The following NAALADL2 variants were observed in gnomAD, a reference collection of about 807,000 sequenced individuals.
The protein encoded by NAALADL2 is inactive N-acetylated-alpha-linked acidic dipeptidase-like protein 2.
In NAALADL2, 76 loss-of-function variants were observed where a neutral mutation model predicts 87.2. The ratio of observed to expected loss-of-function variants is 0.87; its 90% CI spans 0.72 to 1.05. The LOEUF is 1.05. NAALADL2 is among the 50% of genes least tolerant of loss of function. The probability of loss-of-function intolerance (pLI) is 0.00; values close to 1 mark genes in which losing one functional copy is unlikely to be tolerated. For missense variants in NAALADL2, 1,089 were observed against 945.8 expected (o/e 1.15, Z -1.99); for synonymous variants, 354 against 331.0 (o/e 1.07, Z -0.75).
intron 1 of NAALADL2, among the ~76,000 whole-genome samples, chr3:174,923,469 T>C (rs1264652067): frequency 6.6e-6 from 1 of 151,970 alleles, no homozygotes; most frequent in East Asian, 1.9e-4. Context: ...AAGAGAGAAA[T>C]AGAAAAATTA....
chr3:174,904,490 G>C (rs1732737300), intron 1 of NAALADL2, among the ~76,000 whole-genome samples: 1 of 151,854 alleles, frequency 6.6e-6, no homozygotes, highest in Non-Finnish European at 1.5e-5. Flanking sequence ...GTAATCAAAA[G>C]TTCCTATACA....
At chr3:175,392,648 T>C (rs1211484187) in intron 5 of NAALADL2, among the ~76,000 whole-genome samples, 2 of 152,340 alleles carry the variant, frequency 1.3e-5, no homozygotes, top group Non-Finnish European at 2.9e-5. Flanking sequence ...GGATTTCCCA[T>C]TGTTTCTTTC....
chr3:175,356,660 A>G (rs1764413942), intron 5 of NAALADL2, among the ~76,000 whole-genome samples: 1 of 151,574 alleles, frequency 6.6e-6, no homozygotes, highest in African/African-American at 2.4e-5. Context: ...GAGAAACATA[A>G]GGAGCCATGA....
chr3:174,750,889 G>A (rs1007348073), intron 3 of NAALADL2, among the ~76,000 whole-genome samples: 9 of 152,052 alleles, frequency 5.9e-5, no homozygotes, highest in African/African-American at 1.2e-4. Flanking sequence ...CAAATACAGC[G>A]CTCTCAAAAC....
intron 2 of NAALADL2, among the ~76,000 whole-genome samples, chr3:174,615,889 A>G (rs938367775): frequency 6.6e-6 from 1 of 152,102 alleles, no homozygotes; most frequent in African/African-American, 2.4e-5. Context: ...TTCAGGTTGT[A>G]GCACTATACC....
chr3:175,541,059 C>T (rs941385808), intron 9 of NAALADL2, among the ~76,000 whole-genome samples: 2 of 152,084 alleles, frequency 1.3e-5, no homozygotes, highest in African/African-American at 4.8e-5. Context: ...AGATGAAGAC[C>T]TCAAGCAGAA....
chr3:175,432,856 T>A (rs1390916937), intron 5 of NAALADL2, among the ~76,000 whole-genome samples: 5 of 152,114 alleles, frequency 3.3e-5, no homozygotes, highest in Admixed American at 2.0e-4. Context: ...TGGGAATGTG[T>A]TCTGATAGCT....
intron 5 of NAALADL2, among the ~76,000 whole-genome samples, chr3:175,381,980 C>G (rs772953164): frequency 6.6e-6 from 1 of 152,184 alleles, no homozygotes; most frequent in African/African-American, 2.4e-5. Context: ...TACCATACTG[C>G]TCACTTTCCC....
At chr3:175,324,894 A>C (rs565641649) in intron 5 of NAALADL2, among the ~76,000 whole-genome samples, 1 of 152,282 alleles carries the variant, frequency 6.6e-6, no homozygotes, top group East Asian at 1.9e-4. Context: ...TCTTTTTCCT[A>C]GATAGCTCTG....
intron 9 of NAALADL2, among the ~76,000 whole-genome samples, chr3:175,568,725 A>G (rs1013508284): frequency 2.6e-5 from 4 of 152,250 alleles, no homozygotes; most frequent in Non-Finnish European, 4.4e-5. Context: ...GTTAAAATGC[A>G]CAGGGTTAAA....
At chr3:175,123,251 G>A (rs1726413129) in intron 2 of NAALADL2, among the ~76,000 whole-genome samples, 1 of 151,914 alleles carries the variant, frequency 6.6e-6, no homozygotes, top group African/African-American at 2.4e-5. Context: ...ATTAGAATAT[G>A]GAGATTTTTG....
At chr3:175,399,983 T>A (rs1435006769) in intron 5 of NAALADL2, among the ~76,000 whole-genome samples, 1 of 152,152 alleles carries the variant, frequency 6.6e-6, no homozygotes, top group Non-Finnish European at 1.5e-5. Flanking sequence ...TATTAATTGA[T>A]ATGTTCCAGA....
intron 2 of NAALADL2, among the ~76,000 whole-genome samples, chr3:174,670,208 C>T (rs937306656): frequency 1.6e-5 from 2 of 122,098 alleles, no homozygotes; most frequent in Admixed American, 1.9e-4. Flanking sequence ...TTCTTCTTTT[C>T]CAATTTAGGT....
rs1560255249 is a variant in NAALADL2 at position 174,819,051 on chromosome 3, A to ATTT, written c.-9+81306_-9+81308dup. On this transcript the variant is annotated intron_variant, in intron 3 of 3. Transcript: ENST00000434257. Reference sequence around the variant, plus strand: ...AAATTTTGAATTTCTTTATTATACCATTTATTCTTTTTTTTTTTTTTTTTT... The same window carrying ATTT: ...AAATTTTGAATTTCTTTATTATACCATTTTTTATTCTTTTTTTTTTTTTTTTTT... Among the ~76,000 whole-genome samples, 18 of 85,938 alleles carry ATTT rather than the reference A, an allele frequency of 2.1e-4. 1 individual carries two copies. The highest frequency in any genetic ancestry group is 6.1e-4 in the African/African-American group (16 of 26,404). 56.4% of individuals were successfully genotyped at this position (85,938 alleles called of 152,430 possible). A position where few individuals can be genotyped will look rare whatever the true frequency, so the allele number is the denominator to read the frequency against.
Position 175,356,576 on chromosome 3 carries a change from AAATAATAATAAT to A in NAALADL2, c.1090+32275_1090+32286del, listed in dbSNP as rs377522672. On this transcript the variant is annotated intron_variant, in intron 5 of 13. Transcript: ENST00000454872. ...GATGACAGAGCAAGACCCTGTGTCA[AAATAATAATAAT>A]AATAATAATAATAATAATAATAAAG... Among the ~76,000 whole-genome samples, 4 of 131,732 alleles carry A rather than the reference AAATAATAATAAT, an allele frequency of 3.0e-5. No homozygotes were observed. In the South Asian group the frequency reaches 7.3e-4, roughly 24 times the overall value. 86.4% of individuals were successfully genotyped at this position (131,732 alleles called of 152,430 possible).
At position 175,617,190 on chromosome 3, in the gene NAALADL2, A is replaced by G. The variant is rs57723246; in HGVS notation, c.1801-10101A>G. On this transcript the variant is annotated intron_variant, in intron 10 of 13. Transcript: ENST00000454872. The stretch of plus-strand genomic sequence containing the variant: ...CTGAGATGTCACTCACAGTCATGCT[A>G]AGGGAGGAGGGGAGGCCTGGATTGA... Among the ~76,000 whole-genome samples, 1,018 of 152,282 alleles carry G rather than the reference A, an allele frequency of 6.7e-3. 10 individuals carry two copies. Among genetic ancestry groups the G allele is most frequent in the African/African-American group, 0.023 (952 of 41,560 alleles).
intron 1 of NAALADL2, among the ~76,000 whole-genome samples, chr3:175,029,066 A>ATATATATATATATAT (rs569220638): frequency 1.5e-5 from 2 of 135,978 alleles, no homozygotes; most frequent in Non-Finnish European, 3.3e-5. Flanking sequence ...TATATATATA[A>ATATATATATATATAT]AAAACTCAAA....
intron 3 of NAALADL2, among the ~76,000 whole-genome samples, chr3:174,795,691 C>A (rs1718002153): frequency 6.6e-6 from 1 of 152,144 alleles, no homozygotes; most frequent in Non-Finnish European, 1.5e-5. Context: ...CACATCTTCA[C>A]CAACACTTGC....
chr3:174,644,333 G>A (rs887142482), intron 2 of NAALADL2, among the ~76,000 whole-genome samples: 7 of 152,128 alleles, frequency 4.6e-5, no homozygotes, highest in Admixed American at 4.6e-4. Flanking sequence ...AATAAAGTTG[G>A]CTAAAGAATA....
Sources: allele counts gnomAD v4.1 joint callset (sites outside exome capture counted in the v4.1 genomes callset), GRCh38; gene constraint gnomAD v4.1.1; transcripts MANE v1.5; gene names NCBI Gene and HGNC (gene_info 2026-07-23, HGNC 2026-07-21).